Variants in RYR3 observed in about 807,000 individuals in gnomAD.
RYR3 encodes brain ryanodine receptor-calcium release channel.
Under a neutral mutation model 584.3 loss-of-function variants are expected in RYR3, and 207 were observed. That is an observed-to-expected ratio of 0.35 (90% CI 0.32 to 0.40). RYR3 has a LOEUF of 0.40. Among genes scored for constraint, RYR3 ranks in the 10% least tolerant of loss-of-function variants. The probability of loss-of-function intolerance (pLI) is 1.00; values close to 1 mark genes in which losing one functional copy is unlikely to be tolerated. For missense variants in RYR3, 5,616 were observed against 6,089.2 expected, an observed-to-expected ratio of 0.92 and a Z score of 2.59; for synonymous variants, 2,416 against 2,248.5, an observed-to-expected ratio of 1.07 and a Z score of -2.11.
chr15:33,564,959 A>T (rs2057622900), intron 11 of RYR3, among the ~76,000 whole-genome samples: 1 of 152,218 alleles, frequency 6.6e-6, no homozygotes, highest in African/African-American at 2.4e-5. Flanking sequence ...GTTTTATGAA[A>T]TGAACAAAAC....
At chr15:33,630,086 A>G (rs1402604744) in intron 22 of RYR3, 43 bp downstream of exon 22, 1 of 1,082,164 alleles carries the variant, frequency 9.2e-7, no homozygotes, top group Non-Finnish European at 1.4e-6. Context: ...CAATGAATAG[A>G]TGATTTAATG....
rs1205066108 is a variant in RYR3 at position 33,736,234 on chromosome 15, G to T, written c.7425-1G>T. On this transcript the variant is annotated splice_acceptor_variant, in intron 48 of 103. Coordinates refer to ENST00000634891, the MANE Select transcript of RYR3 (RefSeq NM_001036.6). LOFTEE classifies it high-confidence loss of function. ...TCTACGTTTGTCATTTCATACTGCA[G>T]TCACTTGAGGCCTTCCATGTTACAG... is the stretch of plus-strand genomic sequence containing the variant. 6.2e-7 allele frequency: 1 copy of T among 1,601,750 alleles called. No individual in the cohort carries two copies. Among genetic ancestry groups the T allele is most frequent in the Non-Finnish European group, 8.5e-7 (1 of 1,169,852 alleles).
intron 1 of RYR3, among the ~76,000 whole-genome samples, chr15:33,445,948 G>A (rs2046621894): frequency 6.6e-6 from 1 of 152,090 alleles, no homozygotes; most frequent in African/African-American, 2.4e-5. Flanking sequence ...AGACGCGTTA[G>A]TAGGAAATGT....
Position 33,636,468 on chromosome 15 carries a change from A to G in RYR3, c.3474A>G (p.Ser1158=). Reference sequence around the variant, plus strand: ...GTATGATTAACCTGGATGATGCTTCAATGATCTTCACACTGAATGGGGAGC... The same window carrying G: ...GTATGATTAACCTGGATGATGCTTCGATGATCTTCACACTGAATGGGGAGC... ...VGCMINLDDA[S]MIFTLNGELL... The change falls in exon 27 of 104, where the codon TCA becomes TCG. Residue 1158 remains serine (S), a synonymous_variant. Transcript: ENST00000634891. 1 of 1,613,778 alleles carries G rather than the reference A, an allele frequency of 6.2e-7. No homozygotes were observed. Among genetic ancestry groups the G allele is most frequent in the Non-Finnish European group, 8.5e-7 (1 of 1,179,792 alleles).
intron 40 of RYR3, among the ~76,000 whole-genome samples, chr15:33,699,123 C>A (rs1489290984): frequency 1.3e-5 from 2 of 152,114 alleles, no homozygotes; most frequent in African/African-American, 4.8e-5. Context: ...AGAGCGATGC[C>A]TTTCAGACTT....
chr15:33,778,940 G>T (rs1044513500), intron 64 of RYR3, among the ~76,000 whole-genome samples: 1 of 152,178 alleles, frequency 6.6e-6, no homozygotes, highest in East Asian at 1.9e-4. Context: ...CTAAGAAGAA[G>T]ATAAAACATA....
chr15:33,449,218 C>T (rs2046910150), intron 1 of RYR3, among the ~76,000 whole-genome samples: 4 of 152,106 alleles, frequency 2.6e-5, no homozygotes, highest in Non-Finnish European at 2.9e-5. Flanking sequence ...CTTAGTGCTC[C>T]GCTGGGGGAG....
At chr15:33,325,616 TTCTTTCCTTTTCTTTTCTTTTCCTC>T (rs543279271) in intron 1 of RYR3, among the ~76,000 whole-genome samples, 2 of 151,020 alleles carry the variant, frequency 1.3e-5, no homozygotes, top group African/African-American at 4.8e-5. Flanking sequence ...TTCTTTTCCT[TTCTTTCCTTTTCTTTTCTTTTCCTC>T]TCTTTCCTTT....
intron 1 of RYR3, among the ~76,000 whole-genome samples, chr15:33,428,781 G>C (rs971315068): frequency 6.6e-6 from 1 of 152,096 alleles, no homozygotes; most frequent in African/African-American, 2.4e-5. Flanking sequence ...TTATAGTTCA[G>C]GGGATACATG....
chr15:33,355,182 C>CAA (rs56127912), intron 1 of RYR3, among the ~76,000 whole-genome samples: 26,108 of 125,932 alleles, frequency 0.21, 2,705 homozygotes, highest in Middle Eastern at 0.29. Context: ...GAAACTCCCT[C>CAA]AAAAAAAAAA....
rs763416818 is a variant in RYR3 at position 33,311,058 on chromosome 15, G to A, written c.13G>A (p.Gly5Arg). Reference sequence around the variant, plus strand: ...CGCCTCGGGAGCCATGGCCGAAGGGGGAGAAGGAGGCGAGGACGAGATCCA... The same window carrying A: ...CGCCTCGGGAGCCATGGCCGAAGGGAGAGAAGGAGGCGAGGACGAGATCCA... Reference protein sequence around the residue: MAEGGEGGEDEIQFL... With the variant: MAEGREGGEDEIQFL... Residue 5 changes from glycine to arginine, a missense_variant, in exon 1 of 104, where the codon GGA becomes AGA. Physicochemically the swap from Gly to Arg is moderately radical, Grantham distance 125. This residue lies in a region of RYR3 where 1,284 missense variants were observed against 1,344.6 expected (regional missense o/e 0.95). Transcript: ENST00000634891. This position sits in a 1 kb window ranked among gnomAD's most constrained non-coding sequence, Gnocchi z 4.4. 4.7e-5 allele frequency: 75 copies of A among 1,583,432 alleles called. No individual in the cohort carries two copies. Among genetic ancestry groups the A allele is most frequent in the Non-Finnish European group, 6.4e-5 (75 of 1,166,778 alleles).
chr15:33,680,508 C>G (rs12050783), intron 38 of RYR3, among the ~76,000 whole-genome samples: 3 of 152,150 alleles, frequency 2.0e-5, no homozygotes, highest in African/African-American at 7.2e-5. Context: ...GCCTCATATC[C>G]GTGCACTACA....
intron 5 of RYR3, among the ~76,000 whole-genome samples, chr15:33,536,787 T>C (rs1333386763): frequency 6.6e-6 from 1 of 152,216 alleles, no homozygotes; most frequent in Non-Finnish European, 1.5e-5. Flanking sequence ...TAAACACCAG[T>C]CTCCTGCCCT....
chr15:33,740,275 C>T (rs1419782443), intron 51 of RYR3, among the ~76,000 whole-genome samples: 1 of 152,176 alleles, frequency 6.6e-6, no homozygotes, highest in Non-Finnish European at 1.5e-5. Context: ...ACTGAGAGAA[C>T]TACCCTGACA....
rs34767570 is a variant in RYR3 at position 33,382,319 on chromosome 15, C to CTT, written c.51+71244_51+71245dup. On this transcript the variant is annotated intron_variant, in intron 1 of 103. Coordinates refer to ENST00000634891, the MANE Select transcript of RYR3 (RefSeq NM_001036.6). ...CAGGAACTGCTAATTTTAAAAGTGG[C>CTT]TTTTTTTTTTTTTTTTTTTTTTGAG... is the stretch of plus-strand genomic sequence containing the variant. Among the ~76,000 whole-genome samples, 590 of 104,764 alleles carry CTT rather than the reference C, an allele frequency of 5.6e-3. 4 individuals carry two copies. Among genetic ancestry groups the CTT allele is most frequent in the Non-Finnish European group, 7.2e-3 (401 of 56,078 alleles). The allele number at this position is 104,764 out of a possible 152,430, so 68.7% of individuals were successfully genotyped here.
chr15:33,456,464 G>C (rs1026256358), intron 1 of RYR3, among the ~76,000 whole-genome samples: 25 of 152,178 alleles, frequency 1.6e-4, no homozygotes, highest in Admixed American at 1.6e-3. Context: ...TGGTTGCCCA[G>C]GTTATCTTTT....
chr15:33,850,875 A>T (rs1567320275), intron 94 of RYR3: 1 of 152,168 alleles, frequency 6.6e-6, no homozygotes, highest in Non-Finnish European at 1.5e-5. Flanking sequence ...ATTCTTAAAT[A>T]ATTAGCAATC....
chr15:33,435,465 A>G (rs2045604613), intron 1 of RYR3, among the ~76,000 whole-genome samples: 1 of 152,014 alleles, frequency 6.6e-6, no homozygotes, highest in South Asian at 2.1e-4. Context: ...GGATATGTGT[A>G]TGTGTGTGTG....
chr15:33,479,486 C>CTTTTTTTTTTTTTTTTT (rs376160496), intron 2 of RYR3, among the ~76,000 whole-genome samples: 1 of 135,866 alleles, frequency 7.4e-6, no homozygotes, highest in African/African-American at 2.6e-5. Flanking sequence ...GAGATTTTGA[C>CTTTTTTTTTTTTTTTTT]TTTTTTTTTT....
Sources: gnomAD v4.1 joint callset for allele counts (sites outside exome capture counted in the v4.1 genomes callset) on GRCh38, gnomAD v4.1.1 for gene constraint, gnomAD v4.1.1 regional missense constraint, Gnocchi (gnomAD v3.1) non-coding constraint, MANE v1.5 for transcripts, NCBI Gene and HGNC (gene_info 2026-07-23, HGNC 2026-07-21) for gene names.